DNAJC11: variants seen among roughly 807,000 people sequenced by gnomAD.
DNAJC11 encodes dnaJ homolog subfamily C member 11.
A neutral mutation model predicts 78.6 loss-of-function variants in DNAJC11; 15 were observed. The ratio of observed to expected loss-of-function variants is 0.19; its 90% CI spans 0.13 to 0.29. The LOEUF is 0.29. Among genes scored for constraint, DNAJC11 ranks in the 10% least tolerant of loss-of-function variants. DNAJC11 has a pLI of 1.00. For synonymous variants in DNAJC11, 292 were observed against 272.1 expected (o/e 1.07, Z -0.72); for missense variants, 547 against 709.6 (o/e 0.77, Z 2.60).
chr1:6,649,632 T>C (rs904918847), intron 7 of DNAJC11, among the ~76,000 whole-genome samples: 2 of 151,954 alleles, frequency 1.3e-5, no homozygotes, highest in Non-Finnish European at 2.9e-5. Context: ...ACGACCAGAC[T>C]AGTGGGCAGG....
intron 3 of DNAJC11, among the ~76,000 whole-genome samples, chr1:6,669,207 A>G (rs1642337068): frequency 1.3e-5 from 2 of 148,956 alleles, no homozygotes; most frequent in Admixed American, 1.4e-4. Flanking sequence ...AGAAAAAGAA[A>G]AAGGAAAATA....
At chr1:6,668,238 A>G (rs192360502) in intron 3 of DNAJC11, 1,660 of 156,678 alleles carry the variant, frequency 0.011, 30 homozygotes, top group African/African-American at 0.038. Context: ...CTGGGTTAAC[A>G]CCATTCTCCT....
In DNAJC11 at chr1:6,654,213, C is replaced by T. The variant is rs1381899464; in HGVS notation, c.379-174G>A. ...CCCACAAAGCATGAATGTCACAGTC[C>T]GAACCAAACTGCAGAGCACCACAGA... On this transcript the variant is annotated intron_variant, in intron 4 of 15. Coordinates refer to ENST00000377577, the MANE Select transcript of DNAJC11 (RefSeq NM_018198.4). 43 of 651,280 alleles carry T rather than the reference C, an allele frequency of 6.6e-5. No homozygotes were observed. In the South Asian group the frequency reaches 7.9e-4, roughly 12 times the overall value. The allele number at this position is 651,280 out of a possible 1,614,324, so 40.3% of individuals were successfully genotyped here.
intron 4 of DNAJC11, among the ~76,000 whole-genome samples, chr1:6,657,854 C>A (rs906783901): frequency 3.3e-5 from 5 of 152,156 alleles, no homozygotes; most frequent in African/African-American, 1.2e-4. Context: ...ACCGTGTTAG[C>A]CAGGATGGTC....
Position 6,653,828 on chromosome 1 carries a change from G to A in DNAJC11, c.507+83C>T. The A allele has an allele frequency of 3.9e-6, 6 of 1,529,846 alleles. 1 individual carries two copies. In the South Asian group the frequency reaches 7.0e-5, roughly 18 times the overall value. 94.8% of individuals were successfully genotyped at this position (1,529,846 alleles called of 1,614,324 possible). A position where few individuals can be genotyped will look rare whatever the true frequency, so the allele number is the denominator to read the frequency against. ...ATAAAGATGAGAAAAACCCTGGGCA[G>A]ACTCTCATTCCAGCTGCTTGGTGTG... On this transcript the variant is annotated intron_variant, in intron 5 of 15. Coordinates refer to ENST00000377577, the MANE Select transcript of DNAJC11 (RefSeq NM_018198.4). The surrounding 1 kb of genome is among the most constrained non-coding windows in gnomAD (Gnocchi z 4.5).
At chr1:6,651,061 G>C (rs773255694) in intron 7 of DNAJC11, 19 of 533,836 alleles carry the variant, frequency 3.6e-5, no homozygotes, top group Admixed American at 2.7e-4. Flanking sequence ...AAGGGACAGG[G>C]ATATACAGTT....
intron 10 of DNAJC11, among the ~76,000 whole-genome samples, chr1:6,642,377 G>T (rs1474650685): frequency 1.3e-5 from 2 of 152,180 alleles, no homozygotes; most frequent in Non-Finnish European, 2.9e-5. Flanking sequence ...AAAGATGCTG[G>T]CCGCAGTGAG....
chr1:6,639,802 A>G, intron 11 of DNAJC11, 100 bp downstream of exon 11: 3 of 1,349,926 alleles, frequency 2.2e-6, no homozygotes, highest in Non-Finnish European at 3.0e-6. Flanking sequence ...AGGTTTCCTC[A>G]TCACCCGACG....
chr1:6,653,165 A>G lies in DNAJC11; in HGVS notation c.508-214T>C, dbSNP rs41310355. Among the ~76,000 whole-genome samples the G allele has an allele frequency of 0.018, 2,672 of 152,266 alleles. 40 individuals are homozygous for G. The highest frequency in any genetic ancestry group is 0.028 in the Non-Finnish European group (1,903 of 68,022). ...GACCACGAGGGTAATATGCTTTGCA[A>G]AAGCTTTAATGGGCACATTTCACAA... On this transcript the variant is annotated intron_variant, in intron 5 of 15. Transcript: ENST00000377577. This position sits in a 1 kb window ranked among gnomAD's most constrained non-coding sequence, Gnocchi z 4.5.
At chr1:6,675,355 G>A (rs958947440) in intron 3 of DNAJC11, among the ~76,000 whole-genome samples, 4 of 149,192 alleles carry the variant, frequency 2.7e-5, no homozygotes, top group East Asian at 1.9e-4. Context: ...AAAAAAATAC[G>A]AAAATAATGT....
At chr1:6,667,867 T>A (rs757420938) in intron 3 of DNAJC11, 57 bp from the exon 4 acceptor site, 46 of 1,510,614 alleles carry the variant, frequency 3.0e-5, no homozygotes, top group Non-Finnish European at 4.0e-5. Context: ...AAGGGAAACG[T>A]ACACAAAGAG....
chr1:6,685,709 T>C (rs963952031), intron 1 of DNAJC11, among the ~76,000 whole-genome samples: 1 of 152,250 alleles, frequency 6.6e-6, no homozygotes, highest in African/African-American at 2.4e-5. Flanking sequence ...GTTTTCCTTT[T>C]GTTCTCTGGA....
chr1:6,658,233 G>A (rs1041962758), intron 4 of DNAJC11, among the ~76,000 whole-genome samples: 1 of 152,188 alleles, frequency 6.6e-6, no homozygotes, highest in African/African-American at 2.4e-5. Flanking sequence ...ATGAAACTGG[G>A]AGGAACGTTT....
chr1:6,642,086 C>T (rs1353894847), intron 10 of DNAJC11, among the ~76,000 whole-genome samples: 1 of 152,122 alleles, frequency 6.6e-6, no homozygotes, highest in Non-Finnish European at 1.5e-5. Context: ...TAGCAAAGGC[C>T]ACCTCATAAG....
rs775936079 is a variant in DNAJC11, at chr1:6,634,804, G to T, written c.*871C>A. 4 of 1,286,216 alleles carry T rather than the reference G, an allele frequency of 3.1e-6. No homozygotes were observed. In the East Asian group the frequency reaches 2.2e-4, roughly 69 times the overall value. The allele number at this position is 1,286,216 out of a possible 1,614,324, so 79.7% of individuals were successfully genotyped here. ...TGCCACCTGCTGGGTACCACGGGCC[G>T]GGCCTGGGGTCCACGCCTTTGGGTT... On this transcript the variant is annotated 3_prime_UTR_variant, in exon 16 of 16. Transcript: ENST00000377577.
chr1:6,643,106 G>T (rs1641903527), intron 10 of DNAJC11, among the ~76,000 whole-genome samples: 1 of 152,060 alleles, frequency 6.6e-6, no homozygotes, highest in Non-Finnish European at 1.5e-5. Context: ...GCGACAGCAG[G>T]TGCAGAGACC....
rs2148730336 is a variant in DNAJC11, at chr1:6,645,704, C to G, written c.894+85G>C. ...CTTAGACTTAGTGGTGATCAGGACG[C>G]AGGATTTAAGGGGAGCACTGAGTGC... On this transcript the variant is annotated intron_variant, in intron 8 of 15. Coordinates refer to ENST00000377577, the MANE Select transcript of DNAJC11 (RefSeq NM_018198.4). This position sits in a 1 kb window ranked among gnomAD's most constrained non-coding sequence, Gnocchi z 4.1. 6.7e-7 allele frequency: 1 copy of G among 1,490,256 alleles called. No individual in the cohort carries two copies. The highest frequency in any genetic ancestry group is 2.3e-5 in the East Asian group (1 of 44,004). 92.3% of individuals were successfully genotyped at this position (1,490,256 alleles called of 1,614,324 possible).
chr1:6,636,220 C>A lies in DNAJC11; in HGVS notation c.1551G>T (p.Pro517=), dbSNP rs142473001. 3 of 1,613,952 alleles carry A rather than the reference C, an allele frequency of 1.9e-6. No homozygotes were observed. The African/African-American group carries it at 4.0e-5, about 22-fold the overall frequency. The change falls in exon 15 of 16, where the codon CCG becomes CCT. Residue 517 remains proline, a synonymous_variant. Coordinates refer to ENST00000377577, the MANE Select transcript of DNAJC11 (RefSeq NM_018198.4). ...TCAGGTTCTTCTCTTCCCCCACACACGGGTCATAAAAGCCAGGCAGCCCAG... is the reference window on the plus strand; with the variant it reads ...TCAGGTTCTTCTCTTCCCCCACACAAGGGTCATAAAAGCCAGGCAGCCCAG... The part of the protein sequence containing the change: ...SKAGLPGFYD[P]CVGEEKNLKV...
chr1:6,664,225 G>A (rs992122731), intron 4 of DNAJC11, among the ~76,000 whole-genome samples: 8 of 151,638 alleles, frequency 5.3e-5, no homozygotes, highest in Admixed American at 2.6e-4. Context: ...AGAATGGTTC[G>A]AAGGCCATTT....
Sources: allele counts gnomAD v4.1 joint callset (sites outside exome capture counted in the v4.1 genomes callset), GRCh38; gene constraint gnomAD v4.1.1; non-coding constraint Gnocchi (gnomAD v3.1); transcripts MANE v1.5; gene names NCBI Gene and HGNC (gene_info 2026-07-23, HGNC 2026-07-21).